DYRK1A: variants seen among roughly 807,000 people sequenced by gnomAD.
DYRK1A encodes the protein dual specificity tyrosine-phosphorylation-regulated kinase 1A.
Under a neutral mutation model 79.7 loss-of-function variants are expected in DYRK1A, and 9 were observed. The ratio of observed to expected loss-of-function variants is 0.11; its 90% CI spans 0.07 to 0.20. The LOEUF (loss-of-function observed/expected upper bound fraction) is 0.20. Ranked by LOEUF, DYRK1A falls within the 10% of genes least tolerant of loss-of-function variation. DYRK1A has a pLI of 1.00. For missense variants in DYRK1A, 622 were observed against 956.0 expected, an observed-to-expected ratio of 0.65 and a Z score of 4.61; for synonymous variants, 349 against 329.7, an observed-to-expected ratio of 1.06 and a Z score of -0.63.
chr21:37,468,789 T>A (rs1402730532), intron 2 of DYRK1A, among the ~76,000 whole-genome samples: 1 of 152,184 alleles, frequency 6.6e-6, no homozygotes, highest in African/African-American at 2.4e-5. Context: ...GACTTTGATA[T>A]AAGGAAAAAT....
chr21:37,400,195 C>T (rs571278637), intron 1 of DYRK1A, among the ~76,000 whole-genome samples: 1 of 152,250 alleles, frequency 6.6e-6, no homozygotes, highest in African/African-American at 2.4e-5. Flanking sequence ...GTTGTGTTGT[C>T]TTCTTTTTGT....
intron 2 of DYRK1A, among the ~76,000 whole-genome samples, chr21:37,440,982 A>G (rs2051084954): frequency 6.6e-6 from 1 of 152,182 alleles, no homozygotes; most frequent in Admixed American, 6.5e-5. Flanking sequence ...GTTCTATCAA[A>G]TATTGAGAGA....
chr21:37,482,390 G>A (rs987894574), intron 5 of DYRK1A, among the ~76,000 whole-genome samples: 2 of 152,106 alleles, frequency 1.3e-5, no homozygotes, highest in Admixed American at 1.3e-4. Context: ...ATCACATGTC[G>A]GTAGGTTCTC....
intron 1 of DYRK1A, among the ~76,000 whole-genome samples, chr21:37,399,160 A>G (rs1190608320): frequency 6.6e-6 from 1 of 151,936 alleles, no homozygotes; most frequent in Non-Finnish European, 1.5e-5. Flanking sequence ...GAGAGAGCAG[A>G]GCCCTTTAGT....
chr21:37,482,141 C>A (rs537129042), intron 5 of DYRK1A, among the ~76,000 whole-genome samples: 2 of 152,232 alleles, frequency 1.3e-5, no homozygotes, highest in African/African-American at 4.8e-5. Flanking sequence ...CTTCTCTGTT[C>A]CTGCCCTGAG....
At chr21:37,373,766 A>G (rs1032335856) in intron 1 of DYRK1A, among the ~76,000 whole-genome samples, 3 of 152,212 alleles carry the variant, frequency 2.0e-5, no homozygotes, top group Non-Finnish European at 4.4e-5. Flanking sequence ...TTTAGATACA[A>G]AGGAGTCTGG....
At chr21:37,497,284 C>T (rs774653420) in intron 9 of DYRK1A, among the ~76,000 whole-genome samples, 5 of 152,104 alleles carry the variant, frequency 3.3e-5, no homozygotes, top group Admixed American at 2.0e-4. Flanking sequence ...AAAGCACATA[C>T]GTAGTTGTAT....
intron 2 of DYRK1A, among the ~76,000 whole-genome samples, chr21:37,453,012 A>G (rs2051509919): frequency 6.6e-6 from 1 of 152,200 alleles, no homozygotes; most frequent in South Asian, 2.1e-4. Context: ...TGGGAGGGCA[A>G]GGCAGGTGGA....
chr21:37,505,405 C>G lies in DYRK1A; in HGVS notation c.1335C>G (p.Asp445Glu). The change falls in exon 10 of 12, where the codon GAC becomes GAG. Residue 445 changes from aspartate (D) to glutamate (E), a missense_variant. Around this residue, in one of 5 missense-constraint regions of DYRK1A, gnomAD observed 80 missense variants for 116.5 expected, o/e 0.69. Transcript: ENST00000647188. ...HTVADYLKFKDLILRMLDYDP... is the reference protein window; with the variant it reads ...HTVADYLKFKELILRMLDYDP... ...TCGCTGACTACTTGAAGTTCAAAGACCTCATTTTAAGGATGCTTGATTATG... is the reference window on the plus strand; with the variant it reads ...TCGCTGACTACTTGAAGTTCAAAGAGCTCATTTTAAGGATGCTTGATTATG... The G allele has an allele frequency of 6.2e-7, 1 of 1,614,150 alleles. No homozygotes were observed. The highest frequency in any genetic ancestry group is 8.5e-7 in the Non-Finnish European group (1 of 1,180,034).
At chr21:37,372,569 G>A (rs1199290994) in intron 1 of DYRK1A, among the ~76,000 whole-genome samples, 3 of 152,122 alleles carry the variant, frequency 2.0e-5, no homozygotes, top group Non-Finnish European at 4.4e-5. Flanking sequence ...ACCATGAACA[G>A]AGGCTCCAGA....
intron 1 of DYRK1A, among the ~76,000 whole-genome samples, chr21:37,384,118 C>T (rs920605114): frequency 2.0e-5 from 3 of 152,030 alleles, no homozygotes; most frequent in African/African-American, 7.2e-5. Context: ...GGAAGGGGAT[C>T]CCAGATAAAG....
chr21:37,439,744 C>G (rs1285028227), intron 2 of DYRK1A, among the ~76,000 whole-genome samples: 1 of 152,202 alleles, frequency 6.6e-6, no homozygotes, highest in Non-Finnish European at 1.5e-5. Context: ...GGGACCGCTG[C>G]TTTATCAGAT....
intron 2 of DYRK1A, among the ~76,000 whole-genome samples, chr21:37,448,699 T>G (rs1414382546): frequency 1.3e-5 from 2 of 151,930 alleles, no homozygotes; most frequent in East Asian, 3.9e-4. Context: ...ATTTTTTTTG[T>G]TTGTTTTTGA....
intron 1 of DYRK1A, among the ~76,000 whole-genome samples, chr21:37,384,890 G>A: frequency 6.6e-6 from 1 of 152,156 alleles, no homozygotes; most frequent in South Asian, 2.1e-4. Context: ...ACATTTAGAA[G>A]GAAAGATTAG....
intron 1 of DYRK1A, among the ~76,000 whole-genome samples, chr21:37,377,392 T>C (rs999944921): frequency 5.3e-5 from 8 of 152,200 alleles, no homozygotes; most frequent in African/African-American, 1.9e-4. Flanking sequence ...GTGCTGGGAT[T>C]ACAGGCTTGA....
chr21:37,395,548 A>G (rs979956163), intron 1 of DYRK1A, among the ~76,000 whole-genome samples: 13 of 152,178 alleles, frequency 8.5e-5, no homozygotes, highest in African/African-American at 3.1e-4. Flanking sequence ...TTAAGAATAC[A>G]TTTAATTTAT....
At chr21:37,426,090 T>A (rs561564255) in intron 2 of DYRK1A, among the ~76,000 whole-genome samples, 94 of 152,280 alleles carry the variant, frequency 6.2e-4, no homozygotes, top group Non-Finnish European at 9.6e-4. Context: ...AAGGAGACAC[T>A]GCTGGGGATA....
At chr21:37,441,273 G>T (rs917063791) in intron 2 of DYRK1A, among the ~76,000 whole-genome samples, 3 of 151,976 alleles carry the variant, frequency 2.0e-5, no homozygotes, top group Non-Finnish European at 2.9e-5. Context: ...TAATGTCTTT[G>T]TATTAGAAAT....
chr21:37,421,185 T>TATAA (rs2050464845), intron 2 of DYRK1A, among the ~76,000 whole-genome samples: 1 of 152,128 alleles, frequency 6.6e-6, no homozygotes, highest in East Asian at 1.9e-4. Context: ...AGAGCCTTAT[T>TATAA]TGATTATATT....
Sources: allele counts gnomAD v4.1 joint callset (sites outside exome capture counted in the v4.1 genomes callset), GRCh38; gene constraint gnomAD v4.1.1; regional missense constraint gnomAD v4.1.1; transcripts MANE v1.5; gene names NCBI Gene and HGNC (gene_info 2026-07-23, HGNC 2026-07-21).